The following SEL1L3 variants were observed in gnomAD, a reference collection of about 807,000 sequenced individuals.
The protein encoded by SEL1L3 is SEL1L family member 3.
A neutral mutation model predicts 142.8 loss-of-function variants in SEL1L3; 76 were observed. The ratio of observed to expected loss-of-function variants is 0.53; its 90% CI spans 0.44 to 0.64. The LOEUF is 0.64. SEL1L3 is among the 30% of genes least tolerant of loss of function. SEL1L3 has a pLI of 0.00. For missense variants in SEL1L3, 1,262 were observed against 1,381.7 expected (o/e 0.91, Z 1.37); for synonymous variants, 504 against 519.6 (o/e 0.97, Z 0.41).
intron 9 of SEL1L3, among the ~76,000 whole-genome samples, chr4:25,811,866 T>C (rs913083721): frequency 6.6e-6 from 1 of 152,046 alleles, no homozygotes; most frequent in Admixed American, 6.6e-5. Flanking sequence ...AACCGGAATT[T>C]AAAATGCAAT....
chr4:25,727,489 A>C, the SEL1L3 span, among the ~76,000 whole-genome samples: 1 of 152,160 alleles, frequency 6.6e-6, no homozygotes, highest in African/African-American at 2.4e-5. Context: ...GACATTATTC[A>C]TCTAAAATGG....
chr4:25,755,665 C>T (rs75148398), intron 23 of SEL1L3, among the ~76,000 whole-genome samples: 26 of 152,030 alleles, frequency 1.7e-4, no homozygotes, highest in Non-Finnish European at 3.2e-4. Context: ...GACACGGAGA[C>T]AAGAATGTGG....
intron 23 of SEL1L3, among the ~76,000 whole-genome samples, chr4:25,749,921 A>G (rs1336648666): frequency 2.0e-5 from 3 of 152,234 alleles, no homozygotes; most frequent in South Asian, 2.1e-4. Context: ...TTTTGCATCC[A>G]TAGTAAAGAT....
chr4:25,820,865 C>T lies in SEL1L3; in HGVS notation c.1291-925G>A, dbSNP rs561268399. 5.3e-4 allele frequency among the ~76,000 whole-genome samples: 81 copies of T among 152,244 alleles called. 2 individuals carry two copies. The highest frequency in any genetic ancestry group is 1.9e-3 in the African/African-American group (79 of 41,542). ...GCACAATCTTGGCTCACTGCAACCT[C>T]TGCCTCCTGGGTTCAAGTGAGCACG... On this transcript the variant is annotated intron_variant, in intron 7 of 23. Transcript: ENST00000399878.
chr4:25,751,496 T>C (rs1045887677), intron 23 of SEL1L3, among the ~76,000 whole-genome samples: 3 of 152,008 alleles, frequency 2.0e-5, no homozygotes, highest in African/African-American at 7.2e-5. Context: ...GGTGACTATC[T>C]GAGTGACCCT....
At chr4:25,757,826 C>T (rs768828478) in intron 21 of SEL1L3, 36 bp from the exon 22 acceptor site, 4 of 1,504,346 alleles carry the variant, frequency 2.7e-6, no homozygotes, top group Admixed American at 3.9e-5. Context: ...GACGTGTCAG[C>T]CAACTTTGGT....
chr4:25,791,374 C>T (rs1421829188), intron 11 of SEL1L3, among the ~76,000 whole-genome samples: 2 of 152,224 alleles, frequency 1.3e-5, no homozygotes, highest in African/African-American at 4.8e-5. Context: ...AGAATTTGCA[C>T]ACAGCCTCCC....
rs903961580 is a variant in SEL1L3 at position 25,807,122 on chromosome 4, A to G, written c.1565-2370T>C. Among the ~76,000 whole-genome samples the G allele has an allele frequency of 2.6e-5, 4 of 152,188 alleles. No individual in the cohort carries two copies. The South Asian group carries it at 6.2e-4, about 24-fold the overall frequency. On this transcript the variant is annotated intron_variant, in intron 9 of 23. Transcript: ENST00000399878. ...TTTTTAAATTAACTACACATTATGA[A>G]TAACTCTCTGGGGCTGTCAGAAGCT...
intron 11 of SEL1L3, among the ~76,000 whole-genome samples, chr4:25,792,242 G>C (rs1282331458): frequency 6.6e-6 from 1 of 151,352 alleles, no homozygotes; most frequent in Admixed American, 6.6e-5. Flanking sequence ...ACAAAGCTTC[G>C]ATCCAGGTAT....
intron 5 of SEL1L3, among the ~76,000 whole-genome samples, chr4:25,831,135 C>G (rs1715411438): frequency 6.6e-6 from 1 of 152,152 alleles, no homozygotes; most frequent in Non-Finnish European, 1.5e-5. Flanking sequence ...TGTACTCCAC[C>G]ACTAAGTTTA....
chr4:25,847,641 T>C lies in SEL1L3; in HGVS notation c.386A>G (p.Lys129Arg), dbSNP rs751461102. 1.2e-5 allele frequency: 20 copies of C among 1,613,906 alleles called. No individual in the cohort carries two copies. The highest frequency in any genetic ancestry group is 1.3e-5 in the Non-Finnish European group (15 of 1,179,886). ...SEFRSSIPVY[K>R]KRWKNEKHLH... is the part of the protein sequence containing the mutation. ...ATGTTTCTCATTCTTCCACCTTTTT[T>C]TGTACACGGGAATGCTACTTCTGAA... The change falls in exon 2 of 24, where the codon AAA becomes AGA. Residue 129 changes from lysine (K) to arginine (R), a missense_variant. Physicochemically the swap from Lys to Arg is conservative, Grantham distance 26. Transcript: ENST00000399878.
At chr4:25,806,046 T>G (rs191049847) in intron 9 of SEL1L3, among the ~76,000 whole-genome samples, 2,155 of 150,618 alleles carry the variant, frequency 0.014, 52 homozygotes, top group African/African-American at 0.05. Flanking sequence ...TGTTTGTTTT[T>G]TTTTTTTTTT....
intron 6 of SEL1L3, among the ~76,000 whole-genome samples, chr4:25,828,488 G>T (rs1237740306): frequency 1.3e-5 from 2 of 150,588 alleles, no homozygotes; most frequent in East Asian, 4.0e-4. Context: ...TCAGGTTCAA[G>T]CAATTCTCGT....
At chr4:25,753,754 C>A (rs1255633545) in intron 23 of SEL1L3, among the ~76,000 whole-genome samples, 2 of 152,084 alleles carry the variant, frequency 1.3e-5, no homozygotes, top group Non-Finnish European at 2.9e-5. Flanking sequence ...GAGTCCAAGG[C>A]AGGTAGATCC....
chr4:25,740,706 T>G, the SEL1L3 span, among the ~76,000 whole-genome samples: 2 of 152,234 alleles, frequency 1.3e-5, no homozygotes, highest in African/African-American at 2.4e-5. Context: ...ATTGTTCACC[T>G]GTTTACTCTG....
At chr4:25,863,353 T>G, upstream of SEL1L3, 3 of 628,834 alleles carry the variant, frequency 4.8e-6, no homozygotes, top group Non-Finnish European at 8.6e-6. Flanking sequence ...CCTCTCTTTT[T>G]CACTTTCTCC....
chr4:25,756,731 C>T lies in SEL1L3; in HGVS notation c.3259+803G>A, dbSNP rs187387106. The T allele has an allele frequency of 2.7e-4, 305 of 1,109,530 alleles. 2 individuals are homozygous for T. The African/African-American group carries it at 4.6e-3, about 17-fold the overall frequency. 68.7% of individuals were successfully genotyped at this position (1,109,530 alleles called of 1,614,324 possible). On this transcript the variant is annotated intron_variant, in intron 23 of 23. Coordinates refer to ENST00000399878, the MANE Select transcript of SEL1L3 (RefSeq NM_015187.5). Reference sequence around the variant, plus strand: ...AGTGGAAACCATGCTCAGCTAAATGCCCACTTTACGATTCCTGCTCAGTCC... The same window carrying T: ...AGTGGAAACCATGCTCAGCTAAATGTCCACTTTACGATTCCTGCTCAGTCC...
intron 11 of SEL1L3, among the ~76,000 whole-genome samples, chr4:25,797,357 C>G (rs561215700): frequency 4.4e-4 from 67 of 152,292 alleles, no homozygotes; most frequent in African/African-American, 1.4e-3. Flanking sequence ...CCGCTCACCT[C>G]AGGGCCTGGC....
intron 9 of SEL1L3, among the ~76,000 whole-genome samples, chr4:25,814,797 G>GTTT (rs35367626): frequency 3.4e-4 from 51 of 148,486 alleles, no homozygotes; most frequent in African/African-American, 1.0e-3. Context: ...CAAAATCAAG[G>GTTT]TTTTTTTTTT....
Sources: gnomAD v4.1 joint callset for allele counts (sites outside exome capture counted in the v4.1 genomes callset) on GRCh38, gnomAD v4.1.1 for gene constraint, MANE v1.5 for transcripts, NCBI Gene and HGNC (gene_info 2026-07-23, HGNC 2026-07-21) for gene names.